Variants in CUBN observed in about 807,000 individuals in gnomAD.
CUBN encodes the protein 460 kDa receptor.
In CUBN, 282 loss-of-function variants were observed where a neutral mutation model predicts 405.3. The ratio of observed to expected loss-of-function variants is 0.70; its 90% CI spans 0.63 to 0.77. The LOEUF (loss-of-function observed/expected upper bound fraction) is 0.77, where lower values mean the gene tolerates loss of function less well. Ranked by LOEUF, CUBN falls within the 30% of genes least tolerant of loss-of-function variation. CUBN has a pLI of 0.00. For synonymous variants in CUBN, 1,684 were observed against 1,617.0 expected (o/e 1.04, Z -0.99); for missense variants, 4,514 against 4,475.2 (o/e 1.01, Z -0.25).
chr10:17,064,165 C>T (rs570290940), intron 22 of CUBN, among the ~76,000 whole-genome samples: 3 of 152,296 alleles, frequency 2.0e-5, no homozygotes, highest in South Asian at 2.1e-4. Context: ...TAATGAACTG[C>T]TCCTGCAGAG....
At chr10:16,862,754 G>T (rs1451801284) in intron 59 of CUBN, among the ~76,000 whole-genome samples, 1 of 152,102 alleles carries the variant, frequency 6.6e-6, no homozygotes, top group Non-Finnish European at 1.5e-5. Flanking sequence ...GAATTTATGG[G>T]TACAAATAAT....
At chr10:16,943,515 A>G (rs1303191115) in intron 36 of CUBN, among the ~76,000 whole-genome samples, 2 of 152,190 alleles carry the variant, frequency 1.3e-5, no homozygotes, top group African/African-American at 4.8e-5. Flanking sequence ...TTCAGGCTCA[A>G]TTTTATTACT....
At chr10:16,967,583 A>C (rs761385207) in intron 31 of CUBN, among the ~76,000 whole-genome samples, 1 of 152,186 alleles carries the variant, frequency 6.6e-6, no homozygotes. Context: ...AATGCAAGTC[A>C]CAAGATAAAC....
At chr10:17,005,576 T>C (rs747154272) in intron 28 of CUBN, among the ~76,000 whole-genome samples, 4 of 152,224 alleles carry the variant, frequency 2.6e-5, no homozygotes, top group Non-Finnish European at 4.4e-5. Flanking sequence ...GTCTGATCAA[T>C]TCTTGCCCAT....
At chr10:17,005,975 C>T (rs1834011592) in intron 28 of CUBN, among the ~76,000 whole-genome samples, 1 of 152,154 alleles carries the variant, frequency 6.6e-6, no homozygotes, top group Non-Finnish European at 1.5e-5. Context: ...TCAGGATGAA[C>T]ACACACAGAG....
chr10:17,014,202 C>T (rs569268372), intron 28 of CUBN, among the ~76,000 whole-genome samples: 1 of 152,282 alleles, frequency 6.6e-6, no homozygotes, highest in East Asian at 1.9e-4. Flanking sequence ...AATTTTCTTA[C>T]TTAGGTATGC....
At chr10:16,852,051 T>C (rs1303326543) in intron 59 of CUBN, among the ~76,000 whole-genome samples, 1 of 71,282 alleles carries the variant, frequency 1.4e-5, no homozygotes, top group Admixed American at 1.7e-4. Flanking sequence ...TATCTTTCCC[T>C]CCCTCCATCT....
intron 43 of CUBN, among the ~76,000 whole-genome samples, chr10:16,924,480 G>A (rs2131477242): frequency 6.6e-6 from 1 of 152,206 alleles, no homozygotes; most frequent in Non-Finnish European, 1.5e-5. Context: ...CTCATACAAT[G>A]TGCAATAAAA....
chr10:16,879,871 C>G (rs1055701106), intron 56 of CUBN, among the ~76,000 whole-genome samples: 1 of 152,198 alleles, frequency 6.6e-6, no homozygotes, highest in Non-Finnish European at 1.5e-5. Context: ...GCAAAATTGA[C>G]TCTTGCAAGA....
intron 20 of CUBN, 48 bp from the exon 21 acceptor site, chr10:17,068,328 T>C (rs1162269190): frequency 6.4e-7 from 1 of 1,570,112 alleles, no homozygotes; most frequent in African/African-American, 1.4e-5. Flanking sequence ...CCAAGCTACC[T>C]GGATTTCAAA....
chr10:17,128,578 T>A (rs1837252805), intron 2 of CUBN, among the ~76,000 whole-genome samples: 1 of 151,918 alleles, frequency 6.6e-6, no homozygotes, highest in Non-Finnish European at 1.5e-5. Flanking sequence ...TGTGGAGGAG[T>A]TTCAGTTCCA....
intron 19 of CUBN, among the ~76,000 whole-genome samples, chr10:17,069,317 C>A (rs1835684438): frequency 6.6e-6 from 1 of 152,134 alleles, no homozygotes. Flanking sequence ...TTTGTGTGGA[C>A]ATATATTTTC....
intron 14 of CUBN, among the ~76,000 whole-genome samples, chr10:17,098,026 G>A (rs936337471): frequency 2.0e-5 from 3 of 152,084 alleles, no homozygotes; most frequent in Non-Finnish European, 4.4e-5. Context: ...AAATTCCCAC[G>A]CAGCACCTGT....
intron 56 of CUBN, among the ~76,000 whole-genome samples, chr10:16,880,142 T>C (rs966441910): frequency 3.3e-5 from 5 of 152,250 alleles, no homozygotes; most frequent in African/African-American, 1.2e-4. Flanking sequence ...ATTGCTCCTT[T>C]GTGTTTAAAC....
At chr10:17,059,972 C>T (rs1835467928) in intron 22 of CUBN, among the ~76,000 whole-genome samples, 1 of 152,194 alleles carries the variant, frequency 6.6e-6, no homozygotes, top group Admixed American at 6.5e-5. Context: ...ATTATCACCA[C>T]ACTTTTTAGA....
intron 33 of CUBN, among the ~76,000 whole-genome samples, chr10:16,951,989 T>C (rs1252977510): frequency 2.0e-5 from 3 of 151,328 alleles, no homozygotes; most frequent in Admixed American, 2.0e-4. Context: ...TACAGCAAGG[T>C]TGTAGGTGTG....
intron 65 of CUBN, among the ~76,000 whole-genome samples, chr10:16,829,970 C>CTGGAGTGCAGTGG (rs1418943620): frequency 1.3e-5 from 2 of 149,816 alleles, no homozygotes; most frequent in Non-Finnish European, 3.0e-5. Flanking sequence ...GAGTCTTGCT[C>CTGGAGTGCAGTGG]CGTCACCCAG....
chr10:17,017,739 G>C (rs913834403), intron 28 of CUBN, among the ~76,000 whole-genome samples: 16 of 152,102 alleles, frequency 1.1e-4, no homozygotes, highest in African/African-American at 3.9e-4. Context: ...GCCTAAAGAA[G>C]GTAACAGAGT....
intron 6 of CUBN, among the ~76,000 whole-genome samples, chr10:17,119,240 C>G (rs1042616036): frequency 6.6e-6 from 1 of 152,172 alleles, no homozygotes; most frequent in Admixed American, 6.5e-5. Context: ...CATCATGTTT[C>G]TGGAAAACCA....
Sources: gnomAD v4.1 joint callset for allele counts (sites outside exome capture counted in the v4.1 genomes callset) on GRCh38, gnomAD v4.1.1 for gene constraint, MANE v1.5 for transcripts, NCBI Gene and HGNC (gene_info 2026-07-23, HGNC 2026-07-21) for gene names.